TMEM132D: variants seen among roughly 807,000 people sequenced by gnomAD.
TMEM132D encodes mature OL transmembrane protein.
Under a neutral mutation model 62.3 loss-of-function variants are expected in TMEM132D, and 21 were observed. That is an observed-to-expected ratio of 0.34 (90% CI 0.24 to 0.49). TMEM132D has a LOEUF of 0.49. Ranked by LOEUF, TMEM132D falls within the 20% of genes least tolerant of loss-of-function variation. The probability of loss-of-function intolerance (pLI) is 0.99; values close to 1 mark genes in which losing one functional copy is unlikely to be tolerated. For missense variants in TMEM132D, 1,346 were observed against 1,402.8 expected, an observed-to-expected ratio of 0.96 and a Z score of 0.65; for synonymous variants, 621 against 575.6, an observed-to-expected ratio of 1.08 and a Z score of -1.13.
rs563037017 is a variant in TMEM132D at position 129,220,688 on chromosome 12, G to A, written c.1300-11025C>T. Among the ~76,000 whole-genome samples, 58 of 152,186 alleles carry A rather than the reference G, an allele frequency of 3.8e-4. 1 individual carries two copies. The South Asian group carries it at 9.5e-3, about 25-fold the overall frequency. On this transcript the variant is annotated intron_variant, in intron 4 of 8. Transcript: ENST00000422113. Reference sequence around the variant, plus strand: ...TCTATGCTTCACCCCATCTCCCAGCGACATAAAGAAATGGTACCTTGTAAG... The same window carrying A: ...TCTATGCTTCACCCCATCTCCCAGCAACATAAAGAAATGGTACCTTGTAAG...
chr12:129,685,379 A>G (rs905826476), intron 2 of TMEM132D, among the ~76,000 whole-genome samples: 1 of 152,246 alleles, frequency 6.6e-6, no homozygotes, highest in African/African-American at 2.4e-5. Flanking sequence ...GCCAAGGCAC[A>G]GCTCAGGCCA....
At chr12:129,358,879 C>T (rs1344612334) in intron 3 of TMEM132D, among the ~76,000 whole-genome samples, 1 of 151,968 alleles carries the variant, frequency 6.6e-6, no homozygotes, top group Non-Finnish European at 1.5e-5. Flanking sequence ...CAAAAAAACC[C>T]AGGTGGCTGA....
intron 1 of TMEM132D, among the ~76,000 whole-genome samples, chr12:129,713,982 C>A (rs975916071): frequency 6.6e-6 from 1 of 152,212 alleles, no homozygotes; most frequent in African/African-American, 2.4e-5. Context: ...TTTAGTGGCA[C>A]CTTTGGGACC....
chr12:129,582,433 G>A (rs925300316), intron 2 of TMEM132D, among the ~76,000 whole-genome samples: 100 of 152,192 alleles, frequency 6.6e-4, no homozygotes, highest in African/African-American at 2.3e-3. Context: ...AATGCAGAGT[G>A]TCAGGCACTG....
At chr12:129,463,493 C>T (rs1873759238) in intron 3 of TMEM132D, among the ~76,000 whole-genome samples, 1 of 139,738 alleles carries the variant, frequency 7.2e-6, no homozygotes. Context: ...TATTATTATA[C>T]TTTAAGTTTT....
At chr12:129,595,293 C>A (rs114562196) in intron 2 of TMEM132D, among the ~76,000 whole-genome samples, 6 of 152,104 alleles carry the variant, frequency 3.9e-5, no homozygotes, top group African/African-American at 1.4e-4. Flanking sequence ...ATAGTGCATA[C>A]GTAGACAAGA....
chr12:129,605,622 T>TATATATATATACACACAC (rs71451321), intron 2 of TMEM132D, among the ~76,000 whole-genome samples: 2 of 126,838 alleles, frequency 1.6e-5, no homozygotes. Flanking sequence ...CATATATATA[T>TATATATATATACACACAC]ACACACACAC....
intron 1 of TMEM132D, among the ~76,000 whole-genome samples, chr12:129,749,604 G>A (rs1291790547): frequency 6.8e-6 from 1 of 147,112 alleles, no homozygotes; most frequent in Non-Finnish European, 1.5e-5. Context: ...ATAGAGGTAT[G>A]AGCCACCATG....
intron 1 of TMEM132D, among the ~76,000 whole-genome samples, chr12:129,759,125 G>C (rs544270807): frequency 6.6e-6 from 1 of 151,870 alleles, no homozygotes; most frequent in Non-Finnish European, 1.5e-5. Context: ...GTAGAGACAG[G>C]GTTTCACCAT....
intron 1 of TMEM132D, among the ~76,000 whole-genome samples, chr12:129,902,915 C>G (rs865802486): frequency 7.9e-5 from 12 of 152,338 alleles, no homozygotes; most frequent in Admixed American, 3.3e-4. Context: ...ACAGCCGGCT[C>G]GGCCCTCCAG....
At chr12:129,288,608 G>A (rs1235297075) in intron 4 of TMEM132D, among the ~76,000 whole-genome samples, 2 of 152,192 alleles carry the variant, frequency 1.3e-5, no homozygotes, top group Admixed American at 6.5e-5. Context: ...GACAGCAAGC[G>A]TTGACAAGCA....
At chr12:129,367,133 G>A (rs1053787867) in intron 3 of TMEM132D, among the ~76,000 whole-genome samples, 1 of 152,196 alleles carries the variant, frequency 6.6e-6, no homozygotes, top group Non-Finnish European at 1.5e-5. Context: ...TGCACAAGAC[G>A]ACCCTCAGCC....
chr12:129,385,675 G>A (rs1871089536), intron 3 of TMEM132D, among the ~76,000 whole-genome samples: 1 of 152,294 alleles, frequency 6.6e-6, no homozygotes, highest in African/African-American at 2.4e-5. Context: ...AAGGAGATAA[G>A]ATTAACTGCT....
At chr12:129,879,075 G>A (rs1022012187) in intron 1 of TMEM132D, among the ~76,000 whole-genome samples, 7 of 152,188 alleles carry the variant, frequency 4.6e-5, no homozygotes, top group Non-Finnish European at 1.0e-4. Context: ...AATTCTCTGT[G>A]ATGGAAATAT....
At chr12:129,326,035 G>T (rs894311846) in intron 4 of TMEM132D, among the ~76,000 whole-genome samples, 1 of 152,150 alleles carries the variant, frequency 6.6e-6, no homozygotes, top group Non-Finnish European at 1.5e-5. Flanking sequence ...CCATCGGGAG[G>T]CTTCGCTCAT....
intron 1 of TMEM132D, among the ~76,000 whole-genome samples, chr12:129,783,186 G>A (rs529496725): frequency 1.6e-3 from 242 of 152,216 alleles, no homozygotes; most frequent in African/African-American, 5.6e-3. Context: ...ACATTTACAT[G>A]CACAGATCTC....
chr12:129,556,027 C>T (rs1404697581), intron 2 of TMEM132D, among the ~76,000 whole-genome samples: 1 of 152,138 alleles, frequency 6.6e-6, no homozygotes, highest in African/African-American at 2.4e-5. Context: ...TATGGTTTTT[C>T]CATGAAAATG....
At chr12:129,821,939 A>T (rs1257170374) in intron 1 of TMEM132D, among the ~76,000 whole-genome samples, 2 of 152,154 alleles carry the variant, frequency 1.3e-5, no homozygotes, top group Non-Finnish European at 2.9e-5. Context: ...TTGTTGAAGA[A>T]ATATTTTTTG....
At chr12:129,196,197 A>T (rs1878547425) in intron 5 of TMEM132D, among the ~76,000 whole-genome samples, 1 of 152,102 alleles carries the variant, frequency 6.6e-6, no homozygotes, top group Non-Finnish European at 1.5e-5. Context: ...CAGAGCGAGG[A>T]TTTAAATCCA....
Sources: gnomAD v4.1 joint callset for allele counts (sites outside exome capture counted in the v4.1 genomes callset) on GRCh38, gnomAD v4.1.1 for gene constraint, MANE v1.5 for transcripts, NCBI Gene and HGNC (gene_info 2026-07-23, HGNC 2026-07-21) for gene names.